C10orf90: variants seen among roughly 807,000 people sequenced by gnomAD.
C10orf90 encodes the protein (E2-independent) E3 ubiquitin-conjugating enzyme FATS.
In C10orf90, 56 loss-of-function variants were observed where a neutral mutation model predicts 62.5. The ratio of observed to expected loss-of-function variants is 0.90; its 90% CI spans 0.72 to 1.12. The LOEUF is 1.12. Ranked by LOEUF, C10orf90 falls within the 50% of genes most tolerant of loss-of-function variation. C10orf90 has a pLI of 0.00. For missense variants in C10orf90, 970 were observed against 880.4 expected, an observed-to-expected ratio of 1.10 and a Z score of -1.29; for synonymous variants, 386 against 340.4, an observed-to-expected ratio of 1.13 and a Z score of -1.47.
chr10:126,548,564 A>G (rs535794216), intron 2 of C10orf90, among the ~76,000 whole-genome samples: 5 of 152,184 alleles, frequency 3.3e-5, no homozygotes, highest in Non-Finnish European at 5.9e-5. Flanking sequence ...ATGGAGTTTC[A>G]CCATGTTGGC....
At chr10:126,467,626 G>A (rs1860365179) in intron 4 of C10orf90, among the ~76,000 whole-genome samples, 1 of 152,142 alleles carries the variant, frequency 6.6e-6, no homozygotes, top group South Asian at 2.1e-4. Context: ...CACATGGAGA[G>A]GGCTAGGCCA....
intron 4 of C10orf90, among the ~76,000 whole-genome samples, chr10:126,496,955 T>A (rs1292859652): frequency 6.6e-6 from 1 of 152,192 alleles, no homozygotes; most frequent in Admixed American, 6.5e-5. Context: ...AGTATAACAA[T>A]GACCTCTACA....
chr10:126,465,209 G>A (rs957679260), intron 4 of C10orf90, among the ~76,000 whole-genome samples: 3 of 152,076 alleles, frequency 2.0e-5, no homozygotes, highest in Non-Finnish European at 4.4e-5. Flanking sequence ...TATCTGCAGT[G>A]AGCAATAGAG....
chr10:126,463,400 T>C (rs1248964735), intron 5 of C10orf90: 1 of 152,224 alleles, frequency 6.6e-6, no homozygotes, highest in Non-Finnish European at 1.5e-5. Flanking sequence ...AGGCAGTAGT[T>C]TCCTCTTGAG....
In C10orf90 at chr10:126,454,628, A is replaced by G. The variant is rs78891205; in HGVS notation, c.2188+4412T>C. ...TGTACCCCTCCCACCTGCGGGGACT[A>G]TACCCCCTAATACTTGCAGGTACTG... On this transcript the variant is annotated intron_variant, in intron 7 of 9. Coordinates refer to ENST00000488181, the MANE Select transcript of C10orf90 (RefSeq NM_001350921.2). Among the ~76,000 whole-genome samples the G allele has an allele frequency of 3.7e-3, 555 of 151,244 alleles. 2 individuals are homozygous for G. Among genetic ancestry groups the G allele is most frequent in the African/African-American group, 0.013 (529 of 41,152 alleles).
At chr10:126,454,183 C>T (rs1002329796) in intron 7 of C10orf90, among the ~76,000 whole-genome samples, 1 of 152,010 alleles carries the variant, frequency 6.6e-6, no homozygotes, top group Non-Finnish European at 1.5e-5. Context: ...TTACTGCCTG[C>T]AGTGGCTCTG....
rs185888289 is a variant in C10orf90 at position 126,547,162 on chromosome 10, G to A, written c.314-33223C>T. On this transcript the variant is annotated intron_variant, in intron 2 of 9. Coordinates refer to ENST00000488181, the MANE Select transcript of C10orf90 (RefSeq NM_001350921.2). ...AGGCCGGGCGTTGTGGCTCACGCCT[G>A]TAATCCCAGCACTTTGGGAGGCCGA... is the stretch of plus-strand genomic sequence containing the variant. Among the ~76,000 whole-genome samples the A allele has an allele frequency of 6.9e-3, 1,043 of 151,890 alleles. 8 individuals are homozygous for A. Among genetic ancestry groups the A allele is most frequent in the African/African-American group, 0.024 (980 of 41,440 alleles).
At chr10:126,605,410 T>A (rs1420853267) in intron 2 of C10orf90, among the ~76,000 whole-genome samples, 1 of 151,976 alleles carries the variant, frequency 6.6e-6, no homozygotes, top group Non-Finnish European at 1.5e-5. Context: ...AAAGGAGACT[T>A]AGTTTCCCTC....
intron 2 of C10orf90, among the ~76,000 whole-genome samples, chr10:126,641,478 G>T (rs142096432): frequency 5.9e-4 from 89 of 152,078 alleles, no homozygotes; most frequent in African/African-American, 2.0e-3. Flanking sequence ...CCCGCCATCC[G>T]CCCGCTCCTT....
chr10:126,543,659 C>G (rs1340608062), intron 2 of C10orf90, among the ~76,000 whole-genome samples: 1 of 152,214 alleles, frequency 6.6e-6, no homozygotes, highest in Non-Finnish European at 1.5e-5. Flanking sequence ...GCTTTTGCCT[C>G]TGATGGTCAC....
At chr10:126,533,989 A>G (rs1017528147) in intron 2 of C10orf90, among the ~76,000 whole-genome samples, 2 of 152,162 alleles carry the variant, frequency 1.3e-5, no homozygotes, top group South Asian at 4.1e-4. Context: ...CTGGAGCCGC[A>G]TTAGACCAAA....
At chr10:126,576,316 A>G (rs184290097) in intron 2 of C10orf90, among the ~76,000 whole-genome samples, 1 of 152,160 alleles carries the variant, frequency 6.6e-6, no homozygotes, top group East Asian at 1.9e-4. Context: ...GAAAGATATA[A>G]ATTTTGACAT....
chr10:126,462,215 A>T (rs1425641454), intron 5 of C10orf90, among the ~76,000 whole-genome samples: 1 of 152,114 alleles, frequency 6.6e-6, no homozygotes, highest in Non-Finnish European at 1.5e-5. Context: ...CTGGGCACTT[A>T]CTGGACTCAG....
At chr10:126,522,212 G>C (rs1863777304) in intron 2 of C10orf90, among the ~76,000 whole-genome samples, 1 of 152,204 alleles carries the variant, frequency 6.6e-6, no homozygotes, top group Non-Finnish European at 1.5e-5. Context: ...AGGTTGCGGT[G>C]AGCCAAGATA....
intron 3 of C10orf90, among the ~76,000 whole-genome samples, chr10:126,505,921 T>G (rs111512410): frequency 0.04 from 6,075 of 152,276 alleles, 172 homozygotes; most frequent in African/African-American, 0.071. Flanking sequence ...GCCATTGCAC[T>G]CCAGCCTAGG....
At chr10:126,454,623 G>A (rs549613573) in intron 7 of C10orf90, among the ~76,000 whole-genome samples, 4 of 151,486 alleles carry the variant, frequency 2.6e-5, no homozygotes, top group East Asian at 1.9e-4. Context: ...CCACCTGCGG[G>A]GACTATACCC....
At chr10:126,533,168 T>C (rs961024654) in intron 2 of C10orf90, among the ~76,000 whole-genome samples, 1 of 151,986 alleles carries the variant, frequency 6.6e-6, no homozygotes, top group African/African-American at 2.4e-5. Flanking sequence ...TCTCCTGACC[T>C]CGTGATCCGC....
chr10:126,445,267 C>CAAAGGACAAAT (rs1858684267), intron 7 of C10orf90, among the ~76,000 whole-genome samples: 1 of 152,100 alleles, frequency 6.6e-6, no homozygotes. Context: ...ACAATCTATA[C>CAAAGGACAAAT]ATCTGACAAA....
At chr10:126,450,479 G>T (rs1859107403) in intron 7 of C10orf90, among the ~76,000 whole-genome samples, 1 of 152,134 alleles carries the variant, frequency 6.6e-6, no homozygotes, top group South Asian at 2.1e-4. Context: ...AAACAGCATG[G>T]TGCTGGCATA....
Sources: gnomAD v4.1 joint callset for allele counts (sites outside exome capture counted in the v4.1 genomes callset) on GRCh38, gnomAD v4.1.1 for gene constraint, MANE v1.5 for transcripts, NCBI Gene and HGNC (gene_info 2026-07-23, HGNC 2026-07-21) for gene names.